Variants in LPA observed in about 807,000 individuals in gnomAD.
LPA encodes the protein lipoprotein(a).
A neutral mutation model predicts 197.9 loss-of-function variants in LPA; 199 were observed. The ratio of observed to expected loss-of-function variants is 1.01; its 90% confidence interval spans 0.90 to 1.13. The LOEUF is 1.13. Among genes scored for constraint, LPA ranks in the 50% most tolerant of loss-of-function variants. The pLI, the probability that LPA is intolerant of heterozygous loss-of-function variation, is 0.00. For synonymous variants in LPA, 715 were observed against 639.5 expected (o/e 1.12, Z -1.78); for missense variants, 1,853 against 1,785.8 (o/e 1.04, Z -0.68).
At chr6:160,553,954 T>TGTGCGCGCGCGCGCGC (rs771903485) in intron 30 of LPA, among the ~76,000 whole-genome samples, 2 of 130,748 alleles carry the variant, frequency 1.5e-5, no homozygotes, top group African/African-American at 6.1e-5. Context: ...TGTGTGTGTG[T>TGTGCGCGCGCGCGCGC]GCGCGCGCGC....
chr6:160,531,950 A>G (rs2114990909), intron 38 of LPA, 60 bp from the exon 39 acceptor site: 2 of 1,564,742 alleles, frequency 1.3e-6, no homozygotes, highest in East Asian at 4.5e-5. Context: ...TTAATATGGG[A>G]TGCCATCCTT....
At chr6:160,609,832 G>T (rs565863505) in intron 16 of LPA, among the ~76,000 whole-genome samples, 1 of 151,796 alleles carries the variant, frequency 6.6e-6, no homozygotes, top group Admixed American at 6.6e-5. Context: ...GGTGTGTTTT[G>T]AATGTGTGTG....
intron 28 of LPA, among the ~76,000 whole-genome samples, chr6:160,559,046 G>C (rs980945598): frequency 6.6e-6 from 1 of 152,182 alleles, no homozygotes; most frequent in Non-Finnish European, 1.5e-5. Flanking sequence ...CACAGAGTGA[G>C]ATGCACAGAT....
intron 28 of LPA, 77 bp downstream of exon 28, chr6:160,577,059 T>G: frequency 1.0e-4 from 162 of 1,559,784 alleles, no homozygotes; most frequent in Non-Finnish European, 1.3e-4. Context: ...CCCTAGGAAG[T>G]GAGCTTAAAG....
chr6:160,590,916 T>C, intron 23 of LPA, 28 bp downstream of exon 23: 3 of 1,613,710 alleles, frequency 1.9e-6, no homozygotes, highest in Non-Finnish European at 2.5e-6. Flanking sequence ...CGTCCAAGGG[T>C]GTGGTTGTCT....
At chr6:160,590,616 C>G (rs1166385010) in intron 23 of LPA, among the ~76,000 whole-genome samples, 3 of 152,178 alleles carry the variant, frequency 2.0e-5, no homozygotes, top group Admixed American at 1.3e-4. Flanking sequence ...TCATGATGAG[C>G]TTGGTAAATC....
At chr6:160,564,436 T>A (rs528727254) in intron 28 of LPA, among the ~76,000 whole-genome samples, 1 of 152,078 alleles carries the variant, frequency 6.6e-6, no homozygotes, top group Non-Finnish European at 1.5e-5. Flanking sequence ...AACATCAGAC[T>A]CCAATTTCTT....
rs1779115735 is a variant in LPA at position 160,595,517 on chromosome 6, G to A, written c.3306C>T (p.Tyr1102=). The A allele has an allele frequency of 6.2e-7, 1 of 1,613,854 alleles. No homozygotes were observed. Among genetic ancestry groups the A allele is most frequent in the African/African-American group, 1.3e-5 (1 of 74,916 alleles). ...NYPNAGLTRN[Y]CRNPDAEIRP... is the part of the protein sequence containing the mutation. Reference sequence around the variant, plus strand: ...GAATCTCAGCATCTGGATTCCTGCAGTAGTTCCTGGTCAGGCCACTGCAAA... The same window carrying A: ...GAATCTCAGCATCTGGATTCCTGCAATAGTTCCTGGTCAGGCCACTGCAAA... Residue 1102 remains tyrosine, a synonymous_variant, in exon 21 of 39, where the codon TAC becomes TAT. Transcript: ENST00000316300.
chr6:160,559,954 A>T (rs1490326147), intron 28 of LPA, among the ~76,000 whole-genome samples: 1 of 152,064 alleles, frequency 6.6e-6, no homozygotes, highest in Non-Finnish European at 1.5e-5. Flanking sequence ...TCAACTCCCC[A>T]ACAGGCCCCT....
intron 28 of LPA, among the ~76,000 whole-genome samples, chr6:160,568,560 C>A (rs1346495303): frequency 6.6e-6 from 1 of 152,164 alleles, no homozygotes; most frequent in African/African-American, 2.4e-5. Context: ...GGAAGCATTC[C>A]CTTTGAAAAC....
chr6:160,647,545 T>A (rs1582897375), intron 2 of LPA, among the ~76,000 whole-genome samples: 1 of 152,192 alleles, frequency 6.6e-6, no homozygotes, highest in African/African-American at 2.4e-5. Context: ...CAGAGCTCTT[T>A]AAAGACTTTT....
intron 31 of LPA, among the ~76,000 whole-genome samples, chr6:160,548,270 C>A (rs1405771094): frequency 6.6e-6 from 1 of 152,150 alleles, no homozygotes; most frequent in East Asian, 1.9e-4. Context: ...AGTCACTACT[C>A]CCACAAGTTG....
At chr6:160,535,783 G>C (rs1248007132) in intron 37 of LPA, among the ~76,000 whole-genome samples, 1 of 152,084 alleles carries the variant, frequency 6.6e-6, no homozygotes. Context: ...TGTAAGATGA[G>C]AAAGCGGAGG....
At chr6:160,557,748 A>G (rs923995014) in intron 28 of LPA, among the ~76,000 whole-genome samples, 177 bp from the exon 29 acceptor site, 1 of 152,134 alleles carries the variant, frequency 6.6e-6, no homozygotes, top group East Asian at 1.9e-4. Context: ...GAACCATGTA[A>G]ATTTCCAAGA....
intron 26 of LPA, among the ~76,000 whole-genome samples, chr6:160,580,465 G>A (rs557636672): frequency 1.2e-4 from 18 of 152,142 alleles, no homozygotes; most frequent in African/African-American, 2.6e-4. Flanking sequence ...CATATTTATC[G>A]AACTTTATAA....
chr6:160,565,937 A>C (rs1017278110), intron 28 of LPA, among the ~76,000 whole-genome samples: 4 of 152,216 alleles, frequency 2.6e-5, no homozygotes, highest in Non-Finnish European at 5.9e-5. Context: ...CAGTGATTAA[A>C]GATCAAATGA....
chr6:160,555,986 TG>T (rs776656630), intron 30 of LPA, 38 bp downstream of exon 30: 1 of 1,457,818 alleles, frequency 6.9e-7, no homozygotes, highest in Non-Finnish European at 9.6e-7. Context: ...GAACTTAAGT[TG>T]GCTGTTGCTC....
intron 16 of LPA, among the ~76,000 whole-genome samples, 197 bp from the exon 17 acceptor site, chr6:160,606,855 T>C (rs1461178277): frequency 1.3e-5 from 2 of 152,062 alleles, no homozygotes; most frequent in African/African-American, 4.8e-5. Flanking sequence ...CTTAAAAGAT[T>C]ATTATTATAA....
At position 160,570,074 on chromosome 6, in the gene LPA, C is replaced by T. The variant is rs200093360; in HGVS notation, c.4631+7062G>A. On this transcript the variant is annotated intron_variant, in intron 28 of 38. Transcript: ENST00000316300. ...AGTTCAACCATTGTGGAAGACAGTG[C>T]GGTGATTCCTCAAGGATTTAGAACT... 2.4e-3 allele frequency among the ~76,000 whole-genome samples: 362 copies of T among 152,242 alleles called. 1 individual carries two copies. Among genetic ancestry groups the T allele is most frequent in the African/African-American group, 8.2e-3 (340 of 41,554 alleles).
Sources: allele counts gnomAD v4.1 joint callset (sites outside exome capture counted in the v4.1 genomes callset), GRCh38; gene constraint gnomAD v4.1.1; transcripts MANE v1.5; gene names NCBI Gene and HGNC (gene_info 2026-07-23, HGNC 2026-07-21).